Variants in GRID2 observed in about 807,000 individuals in gnomAD.
GRID2 encodes the protein glutamate ionotropic receptor delta type subunit 2.
In GRID2, 33 loss-of-function variants were observed where a neutral mutation model predicts 114.8. That is an observed-to-expected ratio of 0.29 (90% CI 0.22 to 0.38). The LOEUF is 0.38. GRID2 is among the 10% of genes least tolerant of loss of function. GRID2 has a pLI of 1.00. For missense variants in GRID2, 1,184 were observed against 1,257.7 expected, an observed-to-expected ratio of 0.94 and a Z score of 0.89; for synonymous variants, 505 against 449.9, an observed-to-expected ratio of 1.12 and a Z score of -1.55.
intron 2 of GRID2, among the ~76,000 whole-genome samples, chr4:92,759,814 A>G (rs1430073416): frequency 6.8e-6 from 1 of 146,456 alleles, no homozygotes; most frequent in African/African-American, 2.5e-5. Flanking sequence ...TTTAGTAGAG[A>G]CGGGGTTTCA....
chr4:92,587,167 T>A (rs1465955029), intron 1 of GRID2, among the ~76,000 whole-genome samples: 1 of 150,066 alleles, frequency 6.7e-6, no homozygotes, highest in African/African-American at 2.4e-5. Flanking sequence ...TATTTTATAT[T>A]GACAGGTCTA....
At chr4:92,340,789 T>G (rs1727440878) in intron 1 of GRID2, among the ~76,000 whole-genome samples, 1 of 152,216 alleles carries the variant, frequency 6.6e-6, no homozygotes, top group Non-Finnish European at 1.5e-5. Context: ...TATTAAAACC[T>G]GTGCCTGTGG....
intron 2 of GRID2, among the ~76,000 whole-genome samples, chr4:92,738,823 TAAA>T (rs1345897194): frequency 6.6e-6 from 1 of 152,052 alleles, no homozygotes; most frequent in African/African-American, 2.4e-5. Flanking sequence ...GCTAATTTCT[TAAA>T]AATTAATTTT....
At chr4:92,849,412 A>C (rs1209233718) in intron 2 of GRID2, among the ~76,000 whole-genome samples, 1 of 151,926 alleles carries the variant, frequency 6.6e-6, no homozygotes, top group Non-Finnish European at 1.5e-5. Context: ...TAAGGAAGGA[A>C]GTTTGAGACC....
rs1030251866 is a variant in GRID2, at chr4:93,462,882, G to A, written c.1858+6908G>A. Reference sequence around the variant, plus strand: ...AATATAATAAAAATGACATTGACTAGCTCTGTTGTTTACTGACCCTAGTGA... The same window carrying A: ...AATATAATAAAAATGACATTGACTAACTCTGTTGTTTACTGACCCTAGTGA... On this transcript the variant is annotated intron_variant, in intron 11 of 15. Transcript: ENST00000282020. Among the ~76,000 whole-genome samples, 11 of 152,208 alleles carry A rather than the reference G, an allele frequency of 7.2e-5. No individual in the cohort carries two copies. The South Asian group carries it at 2.3e-3, about 32-fold the overall frequency.
intron 2 of GRID2, among the ~76,000 whole-genome samples, chr4:92,836,937 G>A (rs960623585): frequency 2.6e-5 from 4 of 152,064 alleles, no homozygotes; most frequent in African/African-American, 9.7e-5. Context: ...ATCTTCAAGC[G>A]AAGATTGCTT....
intron 1 of GRID2, among the ~76,000 whole-genome samples, chr4:92,578,041 T>TTTCTTCTTCCTC (rs1727980768): frequency 8.0e-6 from 1 of 125,768 alleles, no homozygotes; most frequent in African/African-American, 3.0e-5. Flanking sequence ...TGAAACTTAG[T>TTTCTTCTTCCTC]TTCTTCTTCT....
chr4:93,591,452 G>A (rs1184556977), intron 13 of GRID2, among the ~76,000 whole-genome samples: 1 of 151,980 alleles, frequency 6.6e-6, no homozygotes, highest in Non-Finnish European at 1.5e-5. Flanking sequence ...GCTGGATTCG[G>A]TTTGCCAGTA....
chr4:92,616,570 C>T (rs1288221749), intron 2 of GRID2, among the ~76,000 whole-genome samples: 1 of 151,292 alleles, frequency 6.6e-6, no homozygotes, highest in African/African-American at 2.4e-5. Context: ...TAGATTTTTC[C>T]CCTCTTTCAG....
chr4:93,338,069 G>A (rs1029452409), intron 8 of GRID2, among the ~76,000 whole-genome samples: 3 of 152,044 alleles, frequency 2.0e-5, no homozygotes, highest in African/African-American at 7.2e-5. Context: ...AATGTTGGTT[G>A]ATATATTTTG....
At chr4:92,975,643 T>C (rs929639827) in intron 2 of GRID2, among the ~76,000 whole-genome samples, 1 of 152,148 alleles carries the variant, frequency 6.6e-6, no homozygotes, top group Admixed American at 6.5e-5. Flanking sequence ...GCAAATTAAG[T>C]GCTTTTTACA....
intron 2 of GRID2, among the ~76,000 whole-genome samples, chr4:92,964,224 G>A (rs993933603): frequency 2.6e-5 from 4 of 151,992 alleles, no homozygotes; most frequent in African/African-American, 9.7e-5. Context: ...GAGTCAGTCT[G>A]TCCTTTGAAG....
chr4:93,409,388 G>C (rs749171712), intron 9 of GRID2, among the ~76,000 whole-genome samples: 1 of 152,060 alleles, frequency 6.6e-6, no homozygotes, highest in South Asian at 2.1e-4. Context: ...AGCTGTATTG[G>C]GGGTAGTGTC....
At chr4:92,593,305 A>G (rs1219779300) in intron 2 of GRID2, among the ~76,000 whole-genome samples, 2 of 152,014 alleles carry the variant, frequency 1.3e-5, no homozygotes, top group Non-Finnish European at 2.9e-5. Context: ...AATTTATTTT[A>G]TTGTTAGAAT....
intron 13 of GRID2, among the ~76,000 whole-genome samples, chr4:93,595,197 T>C (rs1474473533): frequency 6.6e-6 from 1 of 152,216 alleles, no homozygotes; most frequent in African/African-American, 2.4e-5. Context: ...TCCTGTAATA[T>C]CCCTTTCTTC....
rs762381181 is a variant in GRID2, at chr4:93,238,402, A to G, written c.1157A>G (p.Glu386Gly). 1.9e-6 allele frequency: 3 copies of G among 1,606,686 alleles called. No individual in the cohort carries two copies. The highest frequency in any genetic ancestry group is 2.6e-6 in the Non-Finnish European group (3 of 1,174,024). ...GTTAGTGGGTTGACTGGAGAGCTAG[A>G]ATTTGGAGAAAATGGAGGCAATCCC... ...GGVSGLTGEL[E>G]FGENGGNPNV... Residue 386 changes from glutamate to glycine, a missense_variant, in exon 8 of 16, where the codon GAA becomes GGA. By Grantham distance (98) the Glu-to-Gly change is moderately conservative (BLOSUM62 -2). Around this residue, in one of 3 missense-constraint regions of GRID2, gnomAD observed 717 missense variants for 796.9 expected, o/e 0.90. Coordinates refer to ENST00000282020, the MANE Select transcript of GRID2 (RefSeq NM_001510.4).
At chr4:93,271,151 G>A (rs1205098869) in intron 8 of GRID2, among the ~76,000 whole-genome samples, 1 of 152,160 alleles carries the variant, frequency 6.6e-6, no homozygotes, top group African/African-American at 2.4e-5. Flanking sequence ...TCTCTTGTCT[G>A]GGTCAACCTG....
intron 3 of GRID2, among the ~76,000 whole-genome samples, chr4:93,097,057 C>T (rs971670057): frequency 6.6e-6 from 1 of 151,842 alleles, no homozygotes; most frequent in Non-Finnish European, 1.5e-5. Context: ...TGTATGATTC[C>T]ATATATTTTA....
At chr4:92,822,312 A>G (rs1412702204) in intron 2 of GRID2, 6 of 617,670 alleles carry the variant, frequency 9.7e-6, no homozygotes, top group Non-Finnish European at 6.3e-6. Context: ...CCAGAAGCAC[A>G]GAGGGATCCA....
Sources: allele counts gnomAD v4.1 joint callset (sites outside exome capture counted in the v4.1 genomes callset), GRCh38; gene constraint gnomAD v4.1.1; regional missense constraint gnomAD v4.1.1; transcripts MANE v1.5; gene names NCBI Gene and HGNC (gene_info 2026-07-23, HGNC 2026-07-21).